The following SSH2 variants were observed in gnomAD, a reference collection of about 807,000 sequenced individuals.
SSH2 encodes the protein slingshot protein phosphatase 2, also known as protein phosphatase Slingshot homolog 2.
A neutral mutation model predicts 135.2 loss-of-function variants in SSH2; 37 were observed. The observed-to-expected ratio is 0.27, with a 90% CI of 0.21 to 0.36. The LOEUF (loss-of-function observed/expected upper bound fraction) is 0.36, where lower values mean the gene tolerates loss of function less well. Among genes scored for constraint, SSH2 ranks in the 10% least tolerant of loss-of-function variants. The probability of loss-of-function intolerance (pLI) is 1.00; values close to 1 mark genes in which losing one functional copy is unlikely to be tolerated. For missense variants in SSH2, 1,408 were observed against 1,765.3 expected, an observed-to-expected ratio of 0.80 and a Z score of 3.63; for synonymous variants, 628 against 646.2, an observed-to-expected ratio of 0.97 and a Z score of 0.43.
At chr17:29,648,075 G>A in intron 14 of SSH2, 69 bp downstream of exon 14, 2 of 1,413,264 alleles carry the variant, frequency 1.4e-6, no homozygotes, top group Non-Finnish European at 2.0e-6. Flanking sequence ...AGTAGCTACA[G>A]AGAAGGACAC....
At chr17:29,840,624 T>G (rs1316366425) in intron 2 of SSH2, among the ~76,000 whole-genome samples, 1 of 152,186 alleles carries the variant, frequency 6.6e-6, no homozygotes, top group East Asian at 1.9e-4. Context: ...GGATGCCCAC[T>G]TTTTCTTCTT....
chr17:29,885,686 T>C (rs981009591), intron 1 of SSH2, among the ~76,000 whole-genome samples: 1 of 152,180 alleles, frequency 6.6e-6, no homozygotes, highest in Non-Finnish European at 1.5e-5. Flanking sequence ...GTAGCTCCCA[T>C]AATTCCCACA....
chr17:29,920,900 A>C (rs1296064962), intron 1 of SSH2, among the ~76,000 whole-genome samples: 1 of 152,182 alleles, frequency 6.6e-6, no homozygotes, highest in African/African-American at 2.4e-5. Context: ...ATGAAAAACC[A>C]GAGGAAAATT....
chr17:29,894,868 C>T (rs932042224), intron 1 of SSH2, among the ~76,000 whole-genome samples: 1 of 150,904 alleles, frequency 6.6e-6, no homozygotes, highest in Non-Finnish European at 1.5e-5. Context: ...ACATCTAGCT[C>T]CACCCCCGCC....
chr17:29,744,016 A>C (rs1243239392), intron 3 of SSH2, among the ~76,000 whole-genome samples: 1 of 148,428 alleles, frequency 6.7e-6, no homozygotes, highest in Non-Finnish European at 1.5e-5. Context: ...AATGGGGCTG[A>C]CAGTTGATAA....
Position 29,914,281 on chromosome 17 carries a change from C to A in SSH2, c.63+15657G>T, listed in dbSNP as rs190446102. 2.0e-3 allele frequency among the ~76,000 whole-genome samples: 298 copies of A among 152,022 alleles called. 2 individuals are homozygous for A. The highest frequency in any genetic ancestry group is 7.6e-3 in the Admixed American group (116 of 15,272). ...TCGACTGCCAAAAGACTATTTCTGG[C>A]CAGGTGTGGTGGCTCACACCTGTAA... On this transcript the variant is annotated intron_variant, in intron 1 of 15. Coordinates refer to ENST00000540801, the MANE Select transcript of SSH2 (RefSeq NM_001282129.2).
chr17:29,648,388 G>A lies in SSH2; in HGVS notation c.1227-44C>T, dbSNP rs771232587. 7 of 1,476,226 alleles carry A rather than the reference G, an allele frequency of 4.7e-6. No homozygotes were observed. The South Asian group carries it at 6.7e-5, about 14-fold the overall frequency. 91.4% of individuals were successfully genotyped at this position (1,476,226 alleles called of 1,614,324 possible). A position where few individuals can be genotyped will look rare whatever the true frequency, so the allele number is the denominator to read the frequency against. On this transcript the variant is annotated intron_variant, in intron 13 of 15. Coordinates refer to ENST00000540801, the MANE Select transcript of SSH2 (RefSeq NM_001282129.2). ...GTAAAGAATAGAGGAAAATACAATA[G>A]TGGGGATATTTTAAAAGTTGGTTTC...
chr17:29,907,576 C>T (rs1469648246), intron 1 of SSH2, among the ~76,000 whole-genome samples: 3 of 152,182 alleles, frequency 2.0e-5, no homozygotes, highest in East Asian at 1.9e-4. Context: ...AGCAGTCTTT[C>T]GAATATACAA....
intron 1 of SSH2, among the ~76,000 whole-genome samples, chr17:29,916,630 T>TTATA (rs1157047172): frequency 1.3e-5 from 2 of 152,108 alleles, no homozygotes; most frequent in African/African-American, 4.8e-5. Flanking sequence ...CCAGCTAATG[T>TTATA]TATAGGTATT....
chr17:29,702,999 T>C lies in SSH2; in HGVS notation c.252A>G (p.Ser84=). The C allele has an allele frequency of 1.2e-6, 2 of 1,614,008 alleles. No individual in the cohort carries two copies. Among genetic ancestry groups the C allele is most frequent in the Non-Finnish European group, 1.7e-6 (2 of 1,179,904 alleles). ...GTCTGTGGCTGATTCTTGGTGTGGA[T>C]GAGCCATTTCCCCGTGGTAGAAAAA... ...AALFLPRGNG[S]STPRISHRRN... Residue 84 remains serine (S), a synonymous_variant, in exon 4 of 16, where the codon TCA becomes TCG. Transcript: ENST00000540801.
intron 3 of SSH2, among the ~76,000 whole-genome samples, chr17:29,746,912 A>C (rs997905341): frequency 1.3e-5 from 2 of 152,230 alleles, no homozygotes; most frequent in Non-Finnish European, 2.9e-5. Flanking sequence ...GTGTTGCTTA[A>C]GTTGCAAACA....
At chr17:29,723,323 GTTTAAC>G (rs1256980756) in intron 3 of SSH2, among the ~76,000 whole-genome samples, 3 of 152,136 alleles carry the variant, frequency 2.0e-5, no homozygotes, top group Non-Finnish European at 4.4e-5. Context: ...TTTGATATAT[GTTTAAC>G]TTTATTTCTG....
At chr17:29,800,876 T>G (rs2042239719) in intron 2 of SSH2, among the ~76,000 whole-genome samples, 1 of 151,280 alleles carries the variant, frequency 6.6e-6, no homozygotes. Context: ...TTTTTTTTCT[T>G]TTTTTTTGAG....
rs1290029566 is a variant in SSH2 at position 29,631,819 on chromosome 17, A to C, written c.3375T>G (p.Ser1125Arg). ...RPTDHPTSIL[S>R]SPEDRGSSLS... Reference sequence around the variant, plus strand: ...GGCTGCTGCCTCTGTCTTCAGGGCTACTCAGGATGGAGGTTGGATGGTCAG... The same window carrying C: ...GGCTGCTGCCTCTGTCTTCAGGGCTCCTCAGGATGGAGGTTGGATGGTCAG... The change falls in exon 16 of 16, where the codon AGT (serine) becomes AGG (arginine). Residue 1125 changes from serine (S) to arginine (R), a missense_variant. Around this residue, in one of 3 missense-constraint regions of SSH2, gnomAD observed 1,080 missense variants for 1,144.5 expected, o/e 0.94. Transcript: ENST00000540801. 8.1e-6 allele frequency: 13 copies of C among 1,614,156 alleles called. No homozygotes were observed. The highest frequency in any genetic ancestry group is 9.3e-6 in the Non-Finnish European group (11 of 1,180,032).
chr17:29,838,772 C>G (rs538108216), intron 2 of SSH2, among the ~76,000 whole-genome samples: 1 of 152,278 alleles, frequency 6.6e-6, no homozygotes, highest in Non-Finnish European at 1.5e-5. Context: ...CTGAGCTGTT[C>G]TATCGCTCAA....
intron 3 of SSH2, among the ~76,000 whole-genome samples, chr17:29,757,093 C>A (rs960292416): frequency 1.3e-5 from 2 of 152,150 alleles, no homozygotes; most frequent in African/African-American, 4.8e-5. Flanking sequence ...ACTCCCTCCC[C>A]CAAATACAAA....
intron 3 of SSH2, among the ~76,000 whole-genome samples, chr17:29,723,536 G>T (rs2039890614): frequency 6.6e-6 from 1 of 152,154 alleles, no homozygotes; most frequent in Admixed American, 6.5e-5. Context: ...AAGTATGGAA[G>T]ATATTACAAA....
chr17:29,755,611 G>C lies in SSH2; in HGVS notation c.188+38283C>G, dbSNP rs550390931. On this transcript the variant is annotated intron_variant, in intron 3 of 15. Transcript: ENST00000540801. ...AAGTCATAAAGTTTCCTTCCTAGGA[G>C]AGTCCATAGGATCTCACTTTGGTCT... 1.7e-4 allele frequency among the ~76,000 whole-genome samples: 26 copies of C among 151,878 alleles called. No homozygotes were observed. In the South Asian group the frequency reaches 4.0e-3, roughly 23 times the overall value.
rs137973678 is a variant in SSH2 at position 29,727,130 on chromosome 17, C to T, written c.189-24068G>A. On this transcript the variant is annotated intron_variant, in intron 3 of 15. Coordinates refer to ENST00000540801, the MANE Select transcript of SSH2 (RefSeq NM_001282129.2). ...ACAAAGGACTTCCTTCCTTATCCCCCATTCAACGGATATGACAATATACTA... is the reference window on the plus strand; with the variant it reads ...ACAAAGGACTTCCTTCCTTATCCCCTATTCAACGGATATGACAATATACTA... Among the ~76,000 whole-genome samples the T allele has an allele frequency of 3.9e-3, 589 of 152,302 alleles. 18 individuals are homozygous for T. Among genetic ancestry groups the T allele is most frequent in the Admixed American group, 0.036 (553 of 15,288 alleles).
Sources: allele counts gnomAD v4.1 joint callset (sites outside exome capture counted in the v4.1 genomes callset), GRCh38; gene constraint gnomAD v4.1.1; regional missense constraint gnomAD v4.1.1; transcripts MANE v1.5; gene names NCBI Gene and HGNC (gene_info 2026-07-23, HGNC 2026-07-21).